The following NRG3 variants were observed in gnomAD, a reference collection of about 807,000 sequenced individuals.
The protein encoded by NRG3 is pro-neuregulin-3, membrane-bound isoform.
In NRG3, 31 loss-of-function variants were observed where a neutral mutation model predicts 66.9. The observed-to-expected ratio is 0.46, with a 90% CI of 0.35 to 0.63. The LOEUF (loss-of-function observed/expected upper bound fraction) is 0.63. NRG3 is among the 20% of genes least tolerant of loss of function. The pLI, the probability that NRG3 is intolerant of heterozygous loss-of-function variation, is 0.00. For synonymous variants in NRG3, 393 were observed against 359.4 expected (o/e 1.09, Z -1.06); for missense variants, 910 against 878.9 (o/e 1.04, Z -0.45).
rs567712592 is a variant in NRG3, at chr10:82,497,598, T to G, written c.953+138730T>G. ...TTTAGTGTGTGTGTATGTGTGTGTG[T>G]GTGTGCGCATAAAATAGAACCACAC... On this transcript the variant is annotated intron_variant, in intron 2 of 8. Coordinates refer to ENST00000372141, the MANE Select transcript of NRG3 (RefSeq NM_001010848.4). Among the ~76,000 whole-genome samples the G allele has an allele frequency of 6.3e-4, 96 of 152,292 alleles. No individual in the cohort carries two copies. In the South Asian group the frequency reaches 0.018, roughly 28 times the overall value.
intron 2 of NRG3, among the ~76,000 whole-genome samples, chr10:82,506,121 G>T (rs1483722522): frequency 4.6e-5 from 7 of 152,136 alleles, no homozygotes; most frequent in Admixed American, 2.6e-4. Context: ...GGTGGCACGT[G>T]CCTGTAACCC....
chr10:82,386,207 CTG>C (rs1286714082), intron 2 of NRG3, among the ~76,000 whole-genome samples: 2 of 152,120 alleles, frequency 1.3e-5, no homozygotes, highest in Non-Finnish European at 2.9e-5. Context: ...AGATTAATAA[CTG>C]TGCAAGTATT....
At chr10:81,928,658 A>G (rs1847051928) in intron 1 of NRG3, among the ~76,000 whole-genome samples, 1 of 152,194 alleles carries the variant, frequency 6.6e-6, no homozygotes, top group African/African-American at 2.4e-5. Context: ...CAGTAGCAAA[A>G]ATGTATAAAT....
chr10:82,275,485 T>A (rs919255397), intron 1 of NRG3, among the ~76,000 whole-genome samples: 23 of 152,014 alleles, frequency 1.5e-4, no homozygotes, highest in Admixed American at 1.3e-4. Context: ...AGAGTCTAAC[T>A]TATTTCAAAG....
intron 1 of NRG3, among the ~76,000 whole-genome samples, chr10:82,296,225 G>C (rs2080052711): frequency 6.6e-6 from 1 of 152,154 alleles, no homozygotes; most frequent in Non-Finnish European, 1.5e-5. Flanking sequence ...GAAGAGGAAG[G>C]CTGGAGAAGT....
At chr10:81,899,971 CTTT>C (rs539816695) in intron 1 of NRG3, among the ~76,000 whole-genome samples, 2 of 144,402 alleles carry the variant, frequency 1.4e-5, no homozygotes, top group South Asian at 4.4e-4. Flanking sequence ...GTTTTTCTTT[CTTT>C]TTTTTTTTTT....
intron 4 of NRG3, among the ~76,000 whole-genome samples, chr10:82,901,603 T>C (rs1226968433): frequency 1.3e-5 from 2 of 152,190 alleles, no homozygotes; most frequent in Non-Finnish European, 2.9e-5. Context: ...AATGGGACTT[T>C]TAGTGATTCC....
At chr10:82,270,412 G>A (rs2078531174) in intron 1 of NRG3, among the ~76,000 whole-genome samples, 1 of 152,062 alleles carries the variant, frequency 6.6e-6, no homozygotes, top group Non-Finnish European at 1.5e-5. Flanking sequence ...TATATTAATA[G>A]GGTATTTGGG....
intron 1 of NRG3, among the ~76,000 whole-genome samples, chr10:81,892,744 A>G (rs557017506): frequency 6.6e-6 from 1 of 152,342 alleles, no homozygotes; most frequent in East Asian, 1.9e-4. Context: ...AGTAAGAGCT[A>G]GTATTTACTA....
At chr10:82,336,747 G>A (rs1056913744) in intron 1 of NRG3, among the ~76,000 whole-genome samples, 19 of 151,902 alleles carry the variant, frequency 1.3e-4, no homozygotes, top group African/African-American at 2.9e-4. Flanking sequence ...AAAGACAACC[G>A]TTATCTTTCA....
intron 2 of NRG3, among the ~76,000 whole-genome samples, chr10:82,412,797 G>C (rs1018938217): frequency 6.6e-6 from 1 of 152,116 alleles, no homozygotes; most frequent in Non-Finnish European, 1.5e-5. Flanking sequence ...CTTCAACAAT[G>C]TTCACAGCAT....
At chr10:82,639,839 G>C (rs2050444471) in intron 2 of NRG3, among the ~76,000 whole-genome samples, 1 of 152,014 alleles carries the variant, frequency 6.6e-6, no homozygotes, top group South Asian at 2.1e-4. Context: ...CTTGTGTCAT[G>C]GGGTTTGTTT....
chr10:82,383,285 A>G (rs1443182475), intron 2 of NRG3, among the ~76,000 whole-genome samples: 2 of 151,818 alleles, frequency 1.3e-5, no homozygotes, highest in Admixed American at 6.6e-5. Context: ...AAATTTGTTT[A>G]TATCTTCTCT....
At chr10:82,176,914 C>CACACAA (rs1407598257) in intron 1 of NRG3, among the ~76,000 whole-genome samples, 1 of 143,536 alleles carries the variant, frequency 7.0e-6, no homozygotes, top group African/African-American at 2.5e-5. Context: ...CAAACACACA[C>CACACAA]ACACACTCGG....
intron 2 of NRG3, among the ~76,000 whole-genome samples, chr10:82,632,595 T>C (rs2049917729): frequency 2.6e-5 from 4 of 152,210 alleles, no homozygotes; most frequent in Non-Finnish European, 4.4e-5. Flanking sequence ...TGTGTGTTTT[T>C]TTCTGGTAGT....
intron 2 of NRG3, among the ~76,000 whole-genome samples, chr10:82,637,853 A>G (rs2050300149): frequency 6.6e-6 from 1 of 152,188 alleles, no homozygotes; most frequent in South Asian, 2.1e-4. Context: ...TTAATTTCCC[A>G]GAGCATTCGA....
chr10:82,308,630 AT>A (rs1339507817), intron 1 of NRG3, among the ~76,000 whole-genome samples: 2 of 152,238 alleles, frequency 1.3e-5, no homozygotes, highest in African/African-American at 4.8e-5. Flanking sequence ...ATATGCAGCC[AT>A]GTTTATACCA....
intron 1 of NRG3, among the ~76,000 whole-genome samples, chr10:82,208,809 G>A (rs1477550496): frequency 6.6e-6 from 1 of 152,022 alleles, no homozygotes; most frequent in Non-Finnish European, 1.5e-5. Flanking sequence ...CTGCTACCAT[G>A]GCTCATTAGC....
intron 1 of NRG3, among the ~76,000 whole-genome samples, chr10:81,974,716 C>A (rs983659342): frequency 2.0e-5 from 3 of 151,982 alleles, no homozygotes; most frequent in African/African-American, 7.2e-5. Flanking sequence ...CCTCTGACAT[C>A]AAAAAGTCAC....
Sources: allele counts gnomAD v4.1 joint callset (sites outside exome capture counted in the v4.1 genomes callset), GRCh38; gene constraint gnomAD v4.1.1; transcripts MANE v1.5; gene names NCBI Gene and HGNC (gene_info 2026-07-23, HGNC 2026-07-21).